Variants in ZNF780B observed in about 807,000 individuals in gnomAD.
ZNF780B encodes the protein zinc finger protein 779.
ZNF780B carries 52 observed loss-of-function variants against 74.1 expected under a neutral mutation model. The ratio of observed to expected loss-of-function variants is 0.70; its 90% CI spans 0.56 to 0.88. The LOEUF is 0.88. Among genes scored for constraint, ZNF780B ranks in the 40% least tolerant of loss-of-function variants. The pLI is 0.00. For synonymous variants in ZNF780B, 315 were observed against 324.3 expected, an observed-to-expected ratio of 0.97 and a Z score of 0.31; for missense variants, 953 against 1,007.6, an observed-to-expected ratio of 0.95 and a Z score of 0.73.
At chr19:40,052,030 C>A (rs1464071665) in intron 1 of ZNF780B, among the ~76,000 whole-genome samples, 2 of 152,122 alleles carry the variant, frequency 1.3e-5, no homozygotes, top group African/African-American at 4.8e-5. Context: ...TTATAGACAT[C>A]ATTTTATTAG....
At chr19:40,048,172 T>G (rs770183120) in intron 3 of ZNF780B, among the ~76,000 whole-genome samples, 10 of 152,208 alleles carry the variant, frequency 6.6e-5, no homozygotes, top group Non-Finnish European at 1.0e-4. Flanking sequence ...TGAGACAGTG[T>G]CTTGCTCTGT....
intron 4 of ZNF780B, among the ~76,000 whole-genome samples, chr19:40,039,292 C>G (rs1424737480): frequency 2.0e-5 from 3 of 152,174 alleles, no homozygotes; most frequent in Non-Finnish European, 2.9e-5. Flanking sequence ...GGTAACAGTA[C>G]CATGCTGTTT....
intron 2 of ZNF780B, 49 bp from the exon 3 acceptor site, chr19:40,048,845 C>T (rs760421252): frequency 1.9e-6 from 3 of 1,611,308 alleles, no homozygotes; most frequent in South Asian, 2.2e-5. Flanking sequence ...AAAGTTGTTT[C>T]AAGACGAAAG....
In ZNF780B at chr19:40,035,646, T is replaced by C. The variant is rs1972244690; in HGVS notation, c.1213A>G (p.Ile405Val). The C allele has an allele frequency of 6.2e-7, 1 of 1,613,860 alleles. No homozygotes were observed. The highest frequency in any genetic ancestry group is 2.2e-5 in the East Asian group (1 of 44,836). The change falls in exon 5 of 5, where the codon ATT becomes GTT. Residue 405 changes from isoleucine (I) to valine (V), a missense_variant. Coordinates refer to ENST00000434248, the MANE Select transcript of ZNF780B (RefSeq NM_001005851.3). ...TCAGCATGAATACTCTGGTGTTGAA[T>C]AAGGTTTGAACTACGATTAAAGGAC... ...GKSFNRSSNLIQHQSIHADVK... is the reference protein window; with the variant it reads ...GKSFNRSSNLVQHQSIHADVK...
Position 40,035,818 on chromosome 19 carries a change from C to T in ZNF780B, c.1041G>A (p.Lys347=), listed in dbSNP as rs745891308. Residue 347 remains lysine (K), a synonymous_variant, in exon 5 of 5, where the codon AAG becomes AAA. Transcript: ENST00000434248. ...ECRKAFTLLT[K]LVRHQKIHMG... is the part of the protein sequence containing the mutation. ...TATGAATCTTCTGATGTCGAACAAG[C>T]TTTGTCAGAAGAGTAAAGGCCTTTC... 1.9e-6 allele frequency: 3 copies of T among 1,613,926 alleles called. No homozygotes were observed. Among genetic ancestry groups the T allele is most frequent in the East Asian group, 2.2e-5 (1 of 44,886 alleles).
chr19:40,046,471 G>A (rs1317561885), intron 4 of ZNF780B, among the ~76,000 whole-genome samples: 2 of 152,088 alleles, frequency 1.3e-5, no homozygotes, highest in Non-Finnish European at 2.9e-5. Flanking sequence ...TGTATGATAC[G>A]ACTCCGACGT....
At chr19:40,050,196 CAAAAAAAAAAAAAA>C (rs74179712) in intron 2 of ZNF780B, 114 bp downstream of exon 2, 5 of 391,030 alleles carry the variant, frequency 1.3e-5, no homozygotes, top group African/African-American at 6.9e-5. Context: ...GACTCCGTCT[CAAAAAAAAAAAAAA>C]AAAAAAAAAA....
intron 4 of ZNF780B, among the ~76,000 whole-genome samples, chr19:40,040,402 T>G (rs1263220138): frequency 1.3e-5 from 2 of 152,234 alleles, no homozygotes; most frequent in Admixed American, 1.3e-4. Flanking sequence ...CCAGCTTTGG[T>G]ATCAGGATGA....
At chr19:40,046,906 A>G (rs1972957609) in intron 4 of ZNF780B, among the ~76,000 whole-genome samples, 1 of 152,252 alleles carries the variant, frequency 6.6e-6, no homozygotes, top group South Asian at 2.1e-4. Flanking sequence ...ATGCAAAAGC[A>G]GAGTTGGAAA....
Position 40,035,052 on chromosome 19 carries a change from G to A in ZNF780B, c.1807C>T (p.His603Tyr). The change falls in exon 5 of 5, where the codon CAT becomes TAT. Residue 603 changes from histidine (H) to tyrosine (Y), a missense_variant. Physicochemically the swap from His to Tyr is moderately conservative, Grantham distance 83. Coordinates refer to ENST00000434248, the MANE Select transcript of ZNF780B (RefSeq NM_001005851.3). ...AFRLHMHLIR[H>Y]QKFHTGEKPF... ...TTCTCACCAGTATGAAATTTCTGAT[G>A]TCGAATAAGGTGCATATGAAGTCGA... 1.9e-6 allele frequency: 3 copies of A among 1,614,172 alleles called. No individual in the cohort carries two copies. Among genetic ancestry groups the A allele is most frequent in the Non-Finnish European group, 2.5e-6 (3 of 1,180,012 alleles).
chr19:40,050,451 T>C (rs1973166302), intron 1 of ZNF780B, 74 bp from the exon 2 acceptor site: 4 of 1,377,662 alleles, frequency 2.9e-6, no homozygotes, highest in Middle Eastern at 1.8e-4. Flanking sequence ...AAATATTTTA[T>C]CCTCCATTCC....
intron 1 of ZNF780B, among the ~76,000 whole-genome samples, chr19:40,053,043 T>C (rs993319784): frequency 6.6e-6 from 1 of 152,142 alleles, no homozygotes; most frequent in African/African-American, 2.4e-5. Context: ...AATTTTTTTT[T>C]CTAGAAATGA....
rs577100066 is a variant in ZNF780B, at chr19:40,028,576, T to A, written c.*5781A>T. The A allele has an allele frequency of 1.4e-3, 206 of 152,362 alleles. No individual in the cohort carries two copies. Among genetic ancestry groups the A allele is most frequent in the African/African-American group, 4.8e-3 (198 of 41,586 alleles). 9.4% of individuals were successfully genotyped at this position (152,362 alleles called of 1,614,324 possible). On this transcript the variant is annotated 3_prime_UTR_variant, in exon 5 of 5. Coordinates refer to ENST00000434248, the MANE Select transcript of ZNF780B (RefSeq NM_001005851.3). ...AATGATGGTTATTACTTTTTACATG[T>A]GACAATCTAGTTGTAGCGTTTAAGA... is the stretch of plus-strand genomic sequence containing the variant.
chr19:40,038,849 C>T (rs1972488958), intron 4 of ZNF780B, among the ~76,000 whole-genome samples: 1 of 149,748 alleles, frequency 6.7e-6, no homozygotes, highest in Non-Finnish European at 1.5e-5. Context: ...AATTTTCTCC[C>T]ATTTTGTAGG....
intron 4 of ZNF780B, among the ~76,000 whole-genome samples, chr19:40,038,423 T>A (rs1041872125): frequency 2.6e-5 from 4 of 152,116 alleles, no homozygotes; most frequent in African/African-American, 9.7e-5. Flanking sequence ...CCTTTAGGTA[T>A]ATACACAGTA....
At chr19:40,051,662 G>C (rs1389061451) in intron 1 of ZNF780B, among the ~76,000 whole-genome samples, 1 of 152,180 alleles carries the variant, frequency 6.6e-6, no homozygotes, top group Non-Finnish European at 1.5e-5. Flanking sequence ...GGATCAAAAA[G>C]ATTAATGTGA....
In ZNF780B at chr19:40,043,923, C is replaced by T. The variant is rs541836677; in HGVS notation, c.232+3452G>A. Among the ~76,000 whole-genome samples the T allele has an allele frequency of 3.3e-5, 5 of 152,336 alleles. No individual in the cohort carries two copies. The South Asian group carries it at 8.3e-4, about 25-fold the overall frequency. ...CGCTGCACCCACTGTCCTGCATGCA[C>T]TGTCTGGCACTCCCTAGTGAGATGA... is the stretch of plus-strand genomic sequence containing the variant. On this transcript the variant is annotated intron_variant, in intron 4 of 4. Transcript: ENST00000434248.
chr19:40,055,110 ATCT>A (rs1359372449), intron 1 of ZNF780B, among the ~76,000 whole-genome samples: 3 of 152,170 alleles, frequency 2.0e-5, no homozygotes, highest in Admixed American at 6.5e-5. Context: ...CCACAAACTA[ATCT>A]TCTTTTCAAA....
Position 40,034,432 on chromosome 19 carries a change from C to T in ZNF780B, c.2427G>A (p.Leu809=). 6.2e-7 allele frequency: 1 copy of T among 1,613,958 alleles called. No individual in the cohort carries two copies. Residue 809 remains leucine (L), a synonymous_variant, in exon 5 of 5, where the codon TTG becomes TTA. Transcript: ENST00000434248. Reference sequence around the variant, plus strand: ...AAGGCTGTCCCACATTTCTTACATTCAAAGGGTTTCTCACCTGTACAAGTT... The same window carrying T: ...AAGGCTGTCCCACATTTCTTACATTTAAAGGGTTTCTCACCTGTACAAGTT... ...HQKLVQVRNP[L]NVRNVGQPSD...
Sources: allele counts gnomAD v4.1 joint callset (sites outside exome capture counted in the v4.1 genomes callset), GRCh38; gene constraint gnomAD v4.1.1; transcripts MANE v1.5; gene names NCBI Gene and HGNC (gene_info 2026-07-23, HGNC 2026-07-21).